TENM2: variants seen among roughly 807,000 people sequenced by gnomAD.
TENM2 encodes the protein teneurin transmembrane protein 2.
In TENM2, 52 loss-of-function variants were observed where a neutral mutation model predicts 245.2. The observed-to-expected ratio is 0.21, with a 90% confidence interval of 0.17 to 0.27. The LOEUF (loss-of-function observed/expected upper bound fraction) is 0.27, where lower values mean the gene tolerates loss of function less well. Ranked by LOEUF, TENM2 falls within the 10% of genes least tolerant of loss-of-function variation. The probability of loss-of-function intolerance (pLI) is 1.00; values close to 1 mark genes in which losing one functional copy is unlikely to be tolerated. For synonymous variants in TENM2, 1,363 were observed against 1,438.9 expected, an observed-to-expected ratio of 0.95 and a Z score of 1.19; for missense variants, 3,046 against 3,666.8, an observed-to-expected ratio of 0.83 and a Z score of 4.37.
At chr5:167,301,856 A>G (rs999147565) in intron 1 of TENM2, among the ~76,000 whole-genome samples, 3 of 152,180 alleles carry the variant, frequency 2.0e-5, no homozygotes, top group Non-Finnish European at 2.9e-5. Context: ...GGCTAGTCAC[A>G]GAACAAAACT....
intron 2 of TENM2, among the ~76,000 whole-genome samples, chr5:167,802,711 A>C (rs1765871714): frequency 6.6e-6 from 1 of 152,142 alleles, no homozygotes; most frequent in Non-Finnish European, 1.5e-5. Context: ...AGCTTCTACT[A>C]GTAGGCTTCT....
chr5:167,572,812 G>C (rs1774363356), intron 2 of TENM2, among the ~76,000 whole-genome samples: 1 of 152,200 alleles, frequency 6.6e-6, no homozygotes, highest in Non-Finnish European at 1.5e-5. Context: ...GAAGGATGCA[G>C]TAAAAGTCTG....
the TENM2 span, among the ~76,000 whole-genome samples, chr5:167,027,437 T>C: frequency 2.2e-4 from 34 of 152,204 alleles, no homozygotes; most frequent in African/African-American, 8.0e-4. Flanking sequence ...CATGAAATGC[T>C]TATCTATTAG....
chr5:167,155,140 A>G, the TENM2 span, among the ~76,000 whole-genome samples: 9 of 152,246 alleles, frequency 5.9e-5, no homozygotes, highest in Admixed American at 3.3e-4. Flanking sequence ...ACCAACATGT[A>G]TACTGATTTT....
chr5:167,097,500 T>A, the TENM2 span, among the ~76,000 whole-genome samples: 1 of 152,144 alleles, frequency 6.6e-6, no homozygotes, highest in Non-Finnish European at 1.5e-5. Flanking sequence ...ATGCATCATC[T>A]CCGGGCACTC....
At chr5:167,936,189 G>A (rs938952518) in intron 3 of TENM2, among the ~76,000 whole-genome samples, 2 of 152,198 alleles carry the variant, frequency 1.3e-5, no homozygotes, top group African/African-American at 4.8e-5. Context: ...ATCTTATTGT[G>A]ATGAGTAATG....
chr5:167,553,599 G>A (rs573437416), intron 2 of TENM2, among the ~76,000 whole-genome samples: 83 of 152,246 alleles, frequency 5.5e-4, no homozygotes, highest in African/African-American at 1.9e-3. Flanking sequence ...AATCATGGAC[G>A]TCATATGTGA....
At chr5:168,147,563 G>A (rs962960943) in intron 12 of TENM2, among the ~76,000 whole-genome samples, 1 of 152,160 alleles carries the variant, frequency 6.6e-6, no homozygotes, top group Non-Finnish European at 1.5e-5. Context: ...TATCTGTTTG[G>A]GGGAAGTGAA....
the TENM2 span, among the ~76,000 whole-genome samples, chr5:167,114,712 T>C: frequency 2.6e-5 from 4 of 152,226 alleles, no homozygotes; most frequent in African/African-American, 9.6e-5. Flanking sequence ...AGCATGTGTA[T>C]TGTGTACTGA....
chr5:167,519,574 G>C (rs1285234554), intron 2 of TENM2, among the ~76,000 whole-genome samples: 1 of 152,068 alleles, frequency 6.6e-6, no homozygotes, highest in Non-Finnish European at 1.5e-5. Flanking sequence ...CAGCTGAAAT[G>C]GTTATACCTG....
intron 2 of TENM2, among the ~76,000 whole-genome samples, chr5:167,390,607 A>G (rs982106792): frequency 3.9e-5 from 6 of 152,322 alleles, no homozygotes; most frequent in African/African-American, 1.4e-4. Context: ...TCTGAAAATA[A>G]GCATGTGGAA....
chr5:168,043,706 A>C (rs943891834), intron 5 of TENM2, among the ~76,000 whole-genome samples: 3 of 152,212 alleles, frequency 2.0e-5, no homozygotes, highest in Admixed American at 6.5e-5. Flanking sequence ...TCATGTCTTC[A>C]TACATGCTGT....
intron 10 of TENM2, among the ~76,000 whole-genome samples, chr5:168,120,617 C>G (rs1354364644): frequency 6.6e-6 from 1 of 152,168 alleles, no homozygotes; most frequent in Non-Finnish European, 1.5e-5. Context: ...AATTAACCAT[C>G]CAACCAAACA....
intron 21 of TENM2, 85 bp downstream of exon 23, chr5:168,215,357 TC>T: frequency 9.5e-7 from 1 of 1,057,124 alleles, no homozygotes; most frequent in Non-Finnish European, 1.4e-6. Context: ...CTTAACTAAG[TC>T]CAGCAGTCCA....
chr5:167,485,628 C>T (rs931521122), intron 2 of TENM2, among the ~76,000 whole-genome samples: 2 of 151,996 alleles, frequency 1.3e-5, no homozygotes, highest in African/African-American at 4.8e-5. Context: ...TCTCATAGCT[C>T]CCTGGGAGGT....
intron 9 of TENM2, among the ~76,000 whole-genome samples, chr5:168,117,536 A>G (rs894647968): frequency 6.6e-6 from 1 of 152,230 alleles, no homozygotes; most frequent in Admixed American, 6.5e-5. Flanking sequence ...GAACAATTAA[A>G]GCAGTAGCTG....
At chr5:167,105,659 C>A in the TENM2 span, among the ~76,000 whole-genome samples, 1 of 151,344 alleles carries the variant, frequency 6.6e-6, no homozygotes, top group Non-Finnish European at 1.5e-5. Flanking sequence ...GAGGCCGAGG[C>A]GGGCGGATCA....
the TENM2 span, among the ~76,000 whole-genome samples, chr5:167,179,556 G>T: frequency 5.3e-5 from 8 of 152,072 alleles, no homozygotes; most frequent in Admixed American, 3.9e-4. Flanking sequence ...AAGGCTTATT[G>T]GTGGCGTAGG....
At chr5:168,081,478 G>A (rs1424719527) in intron 7 of TENM2, among the ~76,000 whole-genome samples, 1 of 152,158 alleles carries the variant, frequency 6.6e-6, no homozygotes, top group Admixed American at 6.5e-5. Flanking sequence ...TCATTATGAT[G>A]TTAGGTGGTT....
Sources: gnomAD v4.1 joint callset for allele counts (sites outside exome capture counted in the v4.1 genomes callset) on GRCh38, gnomAD v4.1.1 for gene constraint, MANE v1.5 for transcripts, NCBI Gene and HGNC (gene_info 2026-07-23, HGNC 2026-07-21) for gene names.